Variants in ZBTB45 observed in about 807,000 individuals in gnomAD.
ZBTB45 encodes the protein zinc finger and BTB domain-containing protein 45.
A neutral mutation model predicts 28.4 loss-of-function variants in ZBTB45; 22 were observed. That is an observed-to-expected ratio of 0.77 (90% CI 0.55 to 1.10). The LOEUF is 1.10. ZBTB45 is among the 50% of genes least tolerant of loss of function. The pLI is 0.00. For synonymous variants in ZBTB45, 361 were observed against 332.3 expected (o/e 1.09, Z -0.94); for missense variants, 656 against 750.2 (o/e 0.87, Z 1.47).
intron 1 of ZBTB45, chr19:58,519,263 C>G (rs909847177): frequency 2.6e-5 from 4 of 152,330 alleles, no homozygotes; most frequent in African/African-American, 9.6e-5. Context: ...CTGTATTCAC[C>G]TAGCACCTGA....
At chr19:58,518,783 G>A (rs1254809328) in intron 1 of ZBTB45, among the ~76,000 whole-genome samples, 2 of 152,114 alleles carry the variant, frequency 1.3e-5, no homozygotes, top group Admixed American at 1.3e-4. Context: ...TAAGGGAGGA[G>A]GGTAGGAGCT....
rs149565372 is a variant in ZBTB45, at chr19:58,531,057, A to C, written c.-1+7644T>G. On this transcript the variant is annotated intron_variant, in intron 1 of 1. Coordinates refer to the ZBTB45 transcript ENST00000600130. ...CTGGATCGTGTTTAACTGTTTGAGGAACTGCCAGGCTGTTTCCCATGGTGG... is the reference window on the plus strand; with the variant it reads ...CTGGATCGTGTTTAACTGTTTGAGGCACTGCCAGGCTGTTTCCCATGGTGG... Among the ~76,000 whole-genome samples, 8 of 152,252 alleles carry C rather than the reference A, an allele frequency of 5.3e-5. No homozygotes were observed. The East Asian group carries it at 1.5e-3, about 29-fold the overall frequency.
chr19:58,526,510 G>GTTATTATTATTA lies in ZBTB45; in HGVS notation c.1-8849_1-8838dup, dbSNP rs778782600. ...CAGGCGTGAGCCACCACGCCTGGCT[G>GTTATTATTATTA]TTATTATTATTATTATTTTTTTTTT... On this transcript the variant is annotated intron_variant, in intron 1 of 1. Coordinates refer to the ZBTB45 transcript ENST00000600130. Among the ~76,000 whole-genome samples the GTTATTATTATTA allele has an allele frequency of 2.4e-3, 165 of 70,092 alleles. 31 individuals carry two copies. Among genetic ancestry groups the GTTATTATTATTA allele is most frequent in the Middle Eastern group, 0.016 (2 of 124 alleles). The allele number at this position is 70,092 out of a possible 152,430, so 46.0% of individuals were successfully genotyped here. A position where few individuals can be genotyped will look rare whatever the true frequency, so the allele number is the denominator to read the frequency against.
At chr19:58,526,624 C>T (rs1461082207) in intron 1 of ZBTB45, among the ~76,000 whole-genome samples, 10 of 142,860 alleles carry the variant, frequency 7.0e-5, no homozygotes, top group East Asian at 6.1e-4. Flanking sequence ...CTCCGCCTCC[C>T]GGGTTCACGC....
chr19:58,520,106 G>C (rs4801276), upstream of ZBTB45: 152,339 of 152,356 alleles, frequency 1, 76,161 homozygotes, highest in Middle Eastern at 1. Context: ...CGGCCCAAGT[G>C]CCCAACGTGT....
intron 1 of ZBTB45, among the ~76,000 whole-genome samples, chr19:58,536,010 G>A (rs1337618819): frequency 6.6e-6 from 1 of 152,164 alleles, no homozygotes; most frequent in African/African-American, 2.4e-5. Flanking sequence ...GGTCTCCTAT[G>A]TGGCTGGAAG....
At position 58,516,638 on chromosome 19, in the gene ZBTB45, G is replaced by T. The variant is rs759219722; in HGVS notation, c.1036C>A (p.Pro346Thr). Reference sequence around the variant, plus strand: ...GGGGCTGGCCCCGATGGTGCTGAAGGGGGTGGTGCGGGTGGCCCAGGGGCA... The same window carrying T: ...GGGGCTGGCCCCGATGGTGCTGAAGTGGGTGGTGCGGGTGGCCCAGGGGCA... ...LGAPGPPAPP[P>T]SAPSGPAPAP... is the part of the protein sequence containing the mutation. The change falls in exon 2 of 3, where the codon CCT becomes ACT. Residue 346 changes from proline (P) to threonine (T), a missense_variant. Physicochemically the swap from Pro to Thr is conservative, Grantham distance 38. Around this residue, in one of 3 missense-constraint regions of ZBTB45, gnomAD observed 448 missense variants for 444.3 expected, o/e 1.01. Transcript: ENST00000594051. The surrounding 1 kb of genome is among the most constrained non-coding windows in gnomAD (Gnocchi z 6.2). 1 of 1,561,056 alleles carries T rather than the reference G, an allele frequency of 6.4e-7. No homozygotes were observed. The highest frequency in any genetic ancestry group is 1.8e-5 in the Admixed American group (1 of 55,170).
chr19:58,513,874 T>G lies in ZBTB45; in HGVS notation c.*180A>C. The G allele has an allele frequency of 6.4e-5, 45 of 701,998 alleles. No individual in the cohort carries two copies. Among genetic ancestry groups the G allele is most frequent in the Middle Eastern group, 3.9e-4 (1 of 2,586 alleles). The allele number at this position is 701,998 out of a possible 1,614,324, so 43.5% of individuals were successfully genotyped here. On this transcript the variant is annotated 3_prime_UTR_variant, in exon 3 of 3. Transcript: ENST00000594051. ...GCACCACCTGGAGGGTTCAAGTACATGGAGGAGAGGAGTAAGGCGGACTTA... is the reference window on the plus strand; with the variant it reads ...GCACCACCTGGAGGGTTCAAGTACAGGGAGGAGAGGAGTAAGGCGGACTTA...
At chr19:58,522,348 G>A (rs1432784916), upstream of ZBTB45, among the ~76,000 whole-genome samples, 1 of 151,420 alleles carries the variant, frequency 6.6e-6, no homozygotes, top group Non-Finnish European at 1.5e-5. Flanking sequence ...TTTTAGTAGA[G>A]ACGGTGTTTC....
At chr19:58,527,457 G>A (rs2053613835) in intron 1 of ZBTB45, among the ~76,000 whole-genome samples, 1 of 152,156 alleles carries the variant, frequency 6.6e-6, no homozygotes, top group South Asian at 2.1e-4. Context: ...ATCTGTCCAT[G>A]GATGTGTCTG....
Position 58,528,679 on chromosome 19 carries a change from G to A in ZBTB45, c.-1+10022C>T, listed in dbSNP as rs577791356. Among the ~76,000 whole-genome samples the A allele has an allele frequency of 2.0e-5, 3 of 152,282 alleles. No homozygotes were observed. The South Asian group carries it at 6.2e-4, about 32-fold the overall frequency. On this transcript the variant is annotated intron_variant, in intron 1 of 1. Coordinates refer to the ZBTB45 transcript ENST00000600130. ...GGAGGCCGAGGTGGGCGGATCACGAGGTCAGGAGATCGAGACCATCCTGGC... is the reference window on the plus strand; with the variant it reads ...GGAGGCCGAGGTGGGCGGATCACGAAGTCAGGAGATCGAGACCATCCTGGC...
Position 58,514,261 on chromosome 19 carries a change from G to T in ZBTB45, c.1329C>A (p.Arg443=). The T allele has an allele frequency of 1.2e-6, 2 of 1,611,276 alleles. No individual in the cohort carries two copies. Among genetic ancestry groups the T allele is most frequent in the Non-Finnish European group, 1.7e-6 (2 of 1,178,758 alleles). Residue 443 remains arginine (R), a synonymous_variant, in exon 3 of 3, where the codon CGC becomes CGA. Coordinates refer to ENST00000594051, the MANE Select transcript of ZBTB45 (RefSeq NM_001316979.2). ...TGACCATGTGTTTGAGCAGGTAGTC[G>T]CGTAGAGAGAAGGATCGCCAGCACA... ...CAVCWRSFSL[R]DYLLKHMVTH... is the part of the protein sequence containing the mutation.
rs1211165618 is a variant in ZBTB45, at chr19:58,516,377, T to TC, written c.1279+17dup. 1.2e-6 allele frequency: 2 copies of TC among 1,613,752 alleles called. No homozygotes were observed. Among genetic ancestry groups the TC allele is most frequent in the East Asian group, 2.2e-5 (1 of 44,886 alleles). On this transcript the variant is annotated intron_variant, in intron 2 of 2. Coordinates refer to ENST00000594051, the MANE Select transcript of ZBTB45 (RefSeq NM_001316979.2). This position sits in a 1 kb window ranked among gnomAD's most constrained non-coding sequence, Gnocchi z 6.2. ...TCCGATGAGAGATTGCTCCCTCTCC[T>TC]CCCCCGCCCTGGCTCACCCGAGTGG...
intron 1 of ZBTB45, among the ~76,000 whole-genome samples, chr19:58,531,267 A>G (rs903953692): frequency 6.6e-6 from 1 of 152,162 alleles, no homozygotes; most frequent in Non-Finnish European, 1.5e-5. Flanking sequence ...CCATTTGTAT[A>G]TGTTCTTTGA....
At chr19:58,532,025 T>TC (rs1568651852) in intron 1 of ZBTB45, among the ~76,000 whole-genome samples, 2 of 151,672 alleles carry the variant, frequency 1.3e-5, no homozygotes, top group Admixed American at 1.3e-4. Flanking sequence ...TCTCCTGTCC[T>TC]CCCCCCTCCT....
chr19:58,517,770 C>T (rs2053531888), intron 1 of ZBTB45, 97 bp from the exon 2 acceptor site: 4 of 1,171,886 alleles, frequency 3.4e-6, no homozygotes, highest in South Asian at 2.9e-5. Context: ...GGACAGGGCT[C>T]GAGTGCACCA....
chr19:58,533,395 A>T (rs2053644243), intron 1 of ZBTB45, among the ~76,000 whole-genome samples: 1 of 152,194 alleles, frequency 6.6e-6, no homozygotes, highest in South Asian at 2.1e-4. Context: ...AGTCCACAGC[A>T]ACGATGCATA....
Position 58,515,891 on chromosome 19 carries a change from G to A in ZBTB45, c.1279+504C>T, listed in dbSNP as rs1447615938. ...GCTGTGGAGTCCCCACACTACCTAT[G>A]TTTTCCTACTCATGCCCCAGTCTCA... On this transcript the variant is annotated intron_variant, in intron 2 of 2. Coordinates refer to ENST00000594051, the MANE Select transcript of ZBTB45 (RefSeq NM_001316979.2). This position sits in a 1 kb window ranked among gnomAD's most constrained non-coding sequence, Gnocchi z 4.7. Among the ~76,000 whole-genome samples, 1 of 152,050 alleles carries A rather than the reference G, an allele frequency of 6.6e-6. No homozygotes were observed. Among genetic ancestry groups the A allele is most frequent in the African/African-American group, 2.4e-5 (1 of 41,394 alleles).
At chr19:58,532,756 C>T (rs1288109272) in intron 1 of ZBTB45, among the ~76,000 whole-genome samples, 1 of 152,032 alleles carries the variant, frequency 6.6e-6, no homozygotes, top group African/African-American at 2.4e-5. Context: ...CTATGTTGGG[C>T]AGTCTGGTCT....
Sources: gnomAD v4.1 joint callset for allele counts (sites outside exome capture counted in the v4.1 genomes callset) on GRCh38, gnomAD v4.1.1 for gene constraint, gnomAD v4.1.1 regional missense constraint, Gnocchi (gnomAD v3.1) non-coding constraint, MANE v1.5 for transcripts, NCBI Gene and HGNC (gene_info 2026-07-23, HGNC 2026-07-21) for gene names.